The following FANCC variants were observed in gnomAD, a reference collection of about 807,000 sequenced individuals.
FANCC encodes Fanconi anemia group C protein.
In FANCC, 55 loss-of-function variants were observed where a neutral mutation model predicts 71.3. That is an observed-to-expected ratio of 0.77 (90% confidence interval 0.62 to 0.97). The LOEUF is 0.97. Among genes scored for constraint, FANCC ranks in the 50% least tolerant of loss-of-function variants. The pLI is 0.00. For missense variants in FANCC, 678 were observed against 670.9 expected (o/e 1.01, Z -0.12); for synonymous variants, 275 against 244.9 (o/e 1.12, Z -1.15).
intron 6 of FANCC, among the ~76,000 whole-genome samples, chr9:95,160,727 T>C (rs1173905445): frequency 1.3e-5 from 2 of 152,222 alleles, no homozygotes; most frequent in African/African-American, 4.8e-5. Flanking sequence ...GTAGTTCTCC[T>C]TGAAGAGGTC....
At chr9:95,284,333 A>C (rs1225171397) in intron 1 of FANCC, among the ~76,000 whole-genome samples, 1 of 152,218 alleles carries the variant, frequency 6.6e-6, no homozygotes, top group Non-Finnish European at 1.5e-5. Context: ...TTCCTACTAC[A>C]TTCACAATAT....
chr9:95,231,170 A>G (rs1294214358), intron 4 of FANCC, among the ~76,000 whole-genome samples: 1 of 152,216 alleles, frequency 6.6e-6, no homozygotes, highest in Non-Finnish European at 1.5e-5. Flanking sequence ...GTCATACCAA[A>G]TACTATTTTA....
intron 4 of FANCC, among the ~76,000 whole-genome samples, chr9:95,173,689 G>A (rs1267521674): frequency 1.3e-5 from 2 of 152,116 alleles, no homozygotes; most frequent in Non-Finnish European, 2.9e-5. Flanking sequence ...GCCGAGACGG[G>A]CAGATCACTT....
At chr9:95,303,039 G>C (rs1429916522) in intron 1 of FANCC, among the ~76,000 whole-genome samples, 2 of 152,268 alleles carry the variant, frequency 1.3e-5, no homozygotes, top group East Asian at 3.9e-4. Flanking sequence ...AAAAAAAAGA[G>C]AGAGGGAGAG....
intron 6 of FANCC, among the ~76,000 whole-genome samples, chr9:95,154,268 A>C (rs1246770838): frequency 6.6e-6 from 1 of 151,326 alleles, no homozygotes; most frequent in East Asian, 1.9e-4. Flanking sequence ...AAAAAAAAAA[A>C]AAATTGTAGT....
chr9:95,171,792 T>C (rs887428514), intron 5 of FANCC, among the ~76,000 whole-genome samples: 4 of 152,326 alleles, frequency 2.6e-5, no homozygotes, highest in African/African-American at 9.6e-5. Context: ...ATAAGTGAGA[T>C]GTGTCCCTAG....
At chr9:95,176,895 TCA>T (rs1826042153) in intron 4 of FANCC, among the ~76,000 whole-genome samples, 1 of 152,192 alleles carries the variant, frequency 6.6e-6, no homozygotes, top group Admixed American at 6.5e-5. Flanking sequence ...CCAGAAGCAC[TCA>T]CACCCTGGGC....
At position 95,100,445 on chromosome 9, in the gene FANCC, A is replaced by G. The variant is rs45520432; in HGVS notation, c.*1262T>C. 1.6e-3 allele frequency: 369 copies of G among 231,626 alleles called. 1 individual carries two copies. The highest frequency in any genetic ancestry group is 3.2e-3 in the Admixed American group (57 of 17,740). 14.3% of individuals were successfully genotyped at this position (231,626 alleles called of 1,614,324 possible). A position where few individuals can be genotyped will look rare whatever the true frequency, so the allele number is the denominator to read the frequency against. ...CTTCTAATCCAGCAAAACTTTGCTC[A>G]TACCTCAAAACGGAGCCAAGACTCA... On this transcript the variant is annotated 3_prime_UTR_variant, in exon 15 of 15. Transcript: ENST00000289081.
At chr9:95,312,650 C>A (rs1835477615) in intron 1 of FANCC, among the ~76,000 whole-genome samples, 1 of 152,214 alleles carries the variant, frequency 6.6e-6, no homozygotes, top group Non-Finnish European at 1.5e-5. Flanking sequence ...GTCACCATGC[C>A]CAGTCAAGAA....
intron 5 of FANCC, 30 bp downstream of exon 5, chr9:95,172,007 T>C: frequency 2.2e-6 from 3 of 1,351,102 alleles, no homozygotes; most frequent in Non-Finnish European, 3.2e-6. Flanking sequence ...GCATTAAACA[T>C]TTCAAAAGTG....
At chr9:95,144,146 GC>G (rs1415109178) in intron 7 of FANCC, among the ~76,000 whole-genome samples, 2 of 145,188 alleles carry the variant, frequency 1.4e-5, no homozygotes, top group African/African-American at 5.0e-5. Context: ...GGGGGGCTGG[GC>G]GCGGCTGGTA....
At position 95,125,406 on chromosome 9, in the gene FANCC, G is replaced by T. The variant is rs114222721; in HGVS notation, c.897-221C>A. Reference sequence around the variant, plus strand: ...GCAACGTGCAGAGCTCTCTTTCTTGGTTCTTAAATTATTAAGCAATGCAAA... The same window carrying T: ...GCAACGTGCAGAGCTCTCTTTCTTGTTTCTTAAATTATTAAGCAATGCAAA... On this transcript the variant is annotated intron_variant, in intron 9 of 14. Coordinates refer to ENST00000289081, the MANE Select transcript of FANCC (RefSeq NM_000136.3). Among the ~76,000 whole-genome samples the T allele has an allele frequency of 0.01, 1,589 of 152,134 alleles. 29 individuals are homozygous for T. Among genetic ancestry groups the T allele is most frequent in the African/African-American group, 0.037 (1,538 of 41,476 alleles).
intron 4 of FANCC, among the ~76,000 whole-genome samples, chr9:95,228,843 G>C (rs1221588696): frequency 6.6e-6 from 1 of 152,196 alleles, no homozygotes; most frequent in Admixed American, 6.5e-5. Context: ...ATGGGGAATA[G>C]TGAGGAGGCC....
chr9:95,101,725 C>CTCTTTAAGGAGCTCTCGG lies in FANCC; in HGVS notation c.1641_1658dup (p.Lys552_Glu553insAspArgGluLeuLeuLys), dbSNP rs1588007941. On this transcript the variant is annotated inframe_insertion, in exon 15 of 15. Transcript: ENST00000289081. ...GTGCCTTCTAGACTTGAGTTCGCAG[C>CTCTTTAAGGAGCTCTCGG]TCTTTAAGGAGCTCTCGGGCCAGTT... 4.3e-6 allele frequency: 7 copies of CTCTTTAAGGAGCTCTCGG among 1,614,064 alleles called. No homozygotes were observed. The highest frequency in any genetic ancestry group is 5.9e-6 in the Non-Finnish European group (7 of 1,180,010).
intron 1 of FANCC, among the ~76,000 whole-genome samples, chr9:95,272,843 A>G (rs1832818505): frequency 6.6e-6 from 1 of 152,202 alleles, no homozygotes. Flanking sequence ...ATGCCTGTGA[A>G]GTAGCTTGAT....
chr9:95,180,337 CTCTT>C (rs1435160918), intron 4 of FANCC, among the ~76,000 whole-genome samples: 2 of 132,838 alleles, frequency 1.5e-5, no homozygotes, highest in African/African-American at 2.8e-5. Flanking sequence ...TTACAGTTAA[CTCTT>C]TTTTTTTTTT....
chr9:95,135,911 G>A (rs932069290), intron 7 of FANCC, among the ~76,000 whole-genome samples: 7 of 152,110 alleles, frequency 4.6e-5, no homozygotes, highest in Admixed American at 3.9e-4. Flanking sequence ...CGGTCCCAGC[G>A]CCACTGCCTA....
chr9:95,144,704 G>A (rs1195860092), intron 7 of FANCC, among the ~76,000 whole-genome samples: 3 of 152,212 alleles, frequency 2.0e-5, no homozygotes, highest in Non-Finnish European at 2.9e-5. Flanking sequence ...ACAGTGAAAG[G>A]CAAGAGCATT....
At chr9:95,304,604 G>A (rs541096185) in intron 1 of FANCC, among the ~76,000 whole-genome samples, 1 of 151,620 alleles carries the variant, frequency 6.6e-6, no homozygotes, top group South Asian at 2.1e-4. Context: ...AAAAAAAATA[G>A]GTGGGCGTGG....
Sources: gnomAD v4.1 joint callset for allele counts (sites outside exome capture counted in the v4.1 genomes callset) on GRCh38, gnomAD v4.1.1 for gene constraint, MANE v1.5 for transcripts, NCBI Gene and HGNC (gene_info 2026-07-23, HGNC 2026-07-21) for gene names.